The following PLCL2 variants were observed in gnomAD, a reference collection of about 807,000 sequenced individuals.
PLCL2 encodes inactive phospholipase C-like protein 2.
PLCL2 carries 4 observed loss-of-function variants against 79.6 expected under a neutral mutation model. That is an observed-to-expected ratio of 0.05 (90% CI 0.02 to 0.11). PLCL2 has a LOEUF of 0.11. PLCL2 is among the 10% of genes least tolerant of loss of function. The pLI is 1.00. For missense variants in PLCL2, 895 were observed against 1,291.0 expected, an observed-to-expected ratio of 0.69 and a Z score of 4.70; for synonymous variants, 484 against 457.7, an observed-to-expected ratio of 1.06 and a Z score of -0.73.
At chr3:16,982,403 G>A (rs1479579148) in intron 1 of PLCL2, among the ~76,000 whole-genome samples, 1 of 152,188 alleles carries the variant, frequency 6.6e-6, no homozygotes, top group East Asian at 1.9e-4. Flanking sequence ...TGTTTGGGGG[G>A]TGTATGTGTT....
chr3:16,900,506 G>A (rs144044372), intron 1 of PLCL2, among the ~76,000 whole-genome samples: 2 of 152,006 alleles, frequency 1.3e-5, no homozygotes, highest in African/African-American at 4.8e-5. Flanking sequence ...ATGTTGATTT[G>A]CTCATTTCAT....
intron 1 of PLCL2, among the ~76,000 whole-genome samples, chr3:16,948,415 T>C (rs1190987012): frequency 1.3e-5 from 2 of 152,118 alleles, no homozygotes; most frequent in African/African-American, 4.8e-5. Context: ...AGTTTATTTT[T>C]AGGGTGATAA....
At chr3:17,049,983 A>T (rs1286626974) in intron 4 of PLCL2, among the ~76,000 whole-genome samples, 2 of 152,208 alleles carry the variant, frequency 1.3e-5, no homozygotes, top group Non-Finnish European at 2.9e-5. Context: ...ATAAAAGCAG[A>T]CACATAGACC....
chr3:16,985,602 T>A (rs1336538181), intron 1 of PLCL2, among the ~76,000 whole-genome samples: 2 of 152,194 alleles, frequency 1.3e-5, no homozygotes, highest in African/African-American at 4.8e-5. Context: ...CTCCCAATGC[T>A]TTTGTCTCCA....
chr3:17,011,334 A>G lies in PLCL2; in HGVS notation c.1988A>G (p.Asp663Gly). The change falls in exon 2 of 6, where the codon GAC becomes GGC. Residue 663 changes from aspartate (D) to glycine (G), a missense_variant. Asp to Gly is a moderately conservative substitution (Grantham distance 94, BLOSUM62 -1). Coordinates refer to ENST00000615277, the MANE Select transcript of PLCL2 (RefSeq NM_001144382.2). This position sits in a 1 kb window ranked among gnomAD's most constrained non-coding sequence, Gnocchi z 7.9. ...ASKYANENPG[D>G]FVNYNKRFLA... The stretch of plus-strand genomic sequence containing the variant: ...AAGTACGCCAATGAAAATCCAGGGG[A>G]CTTTGTAAATTACAACAAACGTTTT... 1 of 1,614,150 alleles carries G rather than the reference A, an allele frequency of 6.2e-7. No homozygotes were observed. Among genetic ancestry groups the G allele is most frequent in the Non-Finnish European group, 8.5e-7 (1 of 1,180,022 alleles).
intron 5 of PLCL2, among the ~76,000 whole-genome samples, chr3:17,072,670 G>GAA (rs547845475): frequency 2.3e-4 from 18 of 77,072 alleles, no homozygotes; most frequent in African/African-American, 5.5e-4. Flanking sequence ...CTGTCTCAAA[G>GAA]AAAAAAAAAA....
intron 1 of PLCL2, among the ~76,000 whole-genome samples, chr3:16,982,612 C>T (rs1439511724): frequency 3.3e-5 from 5 of 152,120 alleles, no homozygotes; most frequent in Non-Finnish European, 7.4e-5. Flanking sequence ...TGATATAGTA[C>T]GTAGTGTCTA....
At chr3:17,080,107 G>A (rs1458663341) in intron 5 of PLCL2, among the ~76,000 whole-genome samples, 5 of 152,194 alleles carry the variant, frequency 3.3e-5, no homozygotes, top group Non-Finnish European at 7.3e-5. Context: ...AAGCTGATTT[G>A]CAGCTCATGT....
intron 3 of PLCL2, among the ~76,000 whole-genome samples, chr3:17,033,595 TAC>T (rs1266335084): frequency 6.6e-6 from 1 of 152,170 alleles, no homozygotes; most frequent in Non-Finnish European, 1.5e-5. Context: ...GAACTGAAAT[TAC>T]ACACACACCC....
At chr3:16,905,279 T>A (rs1269152733) in intron 1 of PLCL2, among the ~76,000 whole-genome samples, 1 of 152,172 alleles carries the variant, frequency 6.6e-6, no homozygotes, top group Non-Finnish European at 1.5e-5. Context: ...TTACACATGC[T>A]ATCCTAGCCT....
chr3:17,064,009 T>TA (rs1213576051), intron 4 of PLCL2, among the ~76,000 whole-genome samples: 2 of 152,242 alleles, frequency 1.3e-5, no homozygotes, highest in African/African-American at 2.4e-5. Context: ...TAGTATGACT[T>TA]ACAGAAGGAG....
rs118180624 is a variant in PLCL2, at chr3:17,012,252, T to G, written c.2814+92T>G. On this transcript the variant is annotated intron_variant, in intron 2 of 5. Transcript: ENST00000615277. ...ATATATTGGTTTTTTAATAATAGTA[T>G]ATTTAAGTAGTTTTTAAATTCTGAT... 2.9e-4 allele frequency: 332 copies of G among 1,138,504 alleles called. No homozygotes were observed. The East Asian group carries it at 7.5e-3, about 26-fold the overall frequency. 70.5% of individuals were successfully genotyped at this position (1,138,504 alleles called of 1,614,324 possible).
intron 3 of PLCL2, among the ~76,000 whole-genome samples, chr3:17,041,622 A>G (rs550852093): frequency 6.6e-6 from 1 of 152,312 alleles, no homozygotes; most frequent in African/African-American, 2.4e-5. Flanking sequence ...GATAATTACT[A>G]TGGCAATTAG....
chr3:16,921,983 AAAAG>A (rs911298466), intron 1 of PLCL2, among the ~76,000 whole-genome samples: 15 of 152,306 alleles, frequency 9.8e-5, no homozygotes, highest in African/African-American at 1.4e-4. Context: ...GCAGAGCAAA[AAAAG>A]AGAGAAAAAA....
intron 1 of PLCL2, chr3:16,933,434 A>G (rs1224949911): frequency 6.5e-6 from 1 of 153,700 alleles, no homozygotes; most frequent in Non-Finnish European, 1.5e-5. Context: ...TATGAAATAT[A>G]CTAACAAAGC....
At chr3:16,992,794 G>T (rs1427507168) in intron 1 of PLCL2, among the ~76,000 whole-genome samples, 1 of 152,230 alleles carries the variant, frequency 6.6e-6, no homozygotes, top group African/African-American at 2.4e-5. Context: ...AGGGGCAGAG[G>T]GTAGGGAGAA....
chr3:17,032,263 T>C (rs150786740), intron 3 of PLCL2, among the ~76,000 whole-genome samples: 314 of 152,298 alleles, frequency 2.1e-3, no homozygotes, highest in African/African-American at 7.2e-3. Context: ...GGGGACCACA[T>C]GGAGACTTCT....
chr3:16,995,105 G>A (rs1387987588), intron 1 of PLCL2, among the ~76,000 whole-genome samples: 1 of 152,238 alleles, frequency 6.6e-6, no homozygotes, highest in Non-Finnish European at 1.5e-5. Flanking sequence ...CCATCAGAAG[G>A]AAATTCCAGC....
At chr3:16,989,531 A>G (rs2064083040) in intron 1 of PLCL2, among the ~76,000 whole-genome samples, 1 of 152,156 alleles carries the variant, frequency 6.6e-6, no homozygotes, top group East Asian at 1.9e-4. Context: ...AAATGATAGT[A>G]TTTTGGATAT....
Sources: gnomAD v4.1 joint callset for allele counts (sites outside exome capture counted in the v4.1 genomes callset) on GRCh38, gnomAD v4.1.1 for gene constraint, Gnocchi (gnomAD v3.1) non-coding constraint, MANE v1.5 for transcripts, NCBI Gene and HGNC (gene_info 2026-07-23, HGNC 2026-07-21) for gene names.